SYNPR: variants seen among roughly 807,000 people sequenced by gnomAD.
SYNPR encodes the protein synaptoporin.
SYNPR carries 23 observed loss-of-function variants against 32.9 expected under a neutral mutation model. The ratio of observed to expected loss-of-function variants is 0.70; its 90% CI spans 0.50 to 0.99. SYNPR has a LOEUF of 0.99. Among genes scored for constraint, SYNPR ranks in the 50% least tolerant of loss-of-function variants. The pLI, the probability that SYNPR is intolerant of heterozygous loss-of-function variation, is 0.00. For missense variants in SYNPR, 318 were observed against 349.3 expected, an observed-to-expected ratio of 0.91 and a Z score of 0.71; for synonymous variants, 146 against 135.9, an observed-to-expected ratio of 1.07 and a Z score of -0.52.
chr3:63,497,628 C>G (rs1182705231), intron 3 of SYNPR, among the ~76,000 whole-genome samples: 1 of 151,196 alleles, frequency 6.6e-6, no homozygotes, highest in African/African-American at 2.4e-5. Context: ...GAAATTACTA[C>G]TCTGATTACC....
At chr3:63,443,373 G>A (rs1700216648) in intron 2 of SYNPR, 25 of 1,566,344 alleles carry the variant, frequency 1.6e-5, no homozygotes, top group Non-Finnish European at 2.2e-5. Context: ...GGACAGAGAA[G>A]CTTTATTTTT....
In SYNPR at chr3:63,398,554, T is replaced by TA. The variant is rs111456568; in HGVS notation, c.85-82264dup. 5.6e-3 allele frequency among the ~76,000 whole-genome samples: 793 copies of TA among 140,916 alleles called. 5 individuals are homozygous for TA. Among genetic ancestry groups the TA allele is most frequent in the African/African-American group, 0.016 (632 of 38,508 alleles). The allele number at this position is 140,916 out of a possible 152,430, so 92.4% of individuals were successfully genotyped here. A position where few individuals can be genotyped will look rare whatever the true frequency, so the allele number is the denominator to read the frequency against. ...AAACCCCATCTCTACTAAAAAATATTAAAAAAAAAAAAAATTAGCCGGGCA... is the reference window on the plus strand; with the variant it reads ...AAACCCCATCTCTACTAAAAAATATTAAAAAAAAAAAAAAATTAGCCGGGCA... On this transcript the variant is annotated intron_variant, in intron 2 of 5. Coordinates refer to ENST00000478300, the MANE Select transcript of SYNPR (RefSeq NM_001130003.2).
At chr3:63,294,507 A>G (rs547929577) in intron 2 of SYNPR, among the ~76,000 whole-genome samples, 1 of 152,280 alleles carries the variant, frequency 6.6e-6, no homozygotes, top group South Asian at 2.1e-4. Context: ...AGGCTGCCAA[A>G]CTCATGATGC....
chr3:63,564,195 C>CCT (rs1702745003), intron 4 of SYNPR, among the ~76,000 whole-genome samples: 1 of 137,738 alleles, frequency 7.3e-6, no homozygotes, highest in African/African-American at 2.7e-5. Context: ...GTGTGTCTTT[C>CCT]TTTTTTTTTT....
chr3:63,599,107 T>C (rs1398622417), intron 4 of SYNPR, among the ~76,000 whole-genome samples: 1 of 152,174 alleles, frequency 6.6e-6, no homozygotes, highest in Non-Finnish European at 1.5e-5. Flanking sequence ...TTATGGATGT[T>C]TTGGTCAGCA....
the SYNPR span, among the ~76,000 whole-genome samples, chr3:63,222,058 G>A: frequency 1.2e-5 from 1 of 82,398 alleles, no homozygotes; most frequent in Non-Finnish European, 2.7e-5. Context: ...AGTAGAGAGT[G>A]GTTTAACATA....
At chr3:63,581,950 A>G (rs1051619215) in intron 4 of SYNPR, among the ~76,000 whole-genome samples, 1 of 152,108 alleles carries the variant, frequency 6.6e-6, no homozygotes, top group Admixed American at 6.6e-5. Flanking sequence ...TGGCTTTCAC[A>G]TTCTCTCAAA....
At chr3:63,513,888 C>T (rs1701742849) in intron 3 of SYNPR, among the ~76,000 whole-genome samples, 2 of 152,048 alleles carry the variant, frequency 1.3e-5, no homozygotes, top group Admixed American at 1.3e-4. Context: ...TTTGAAATCC[C>T]AGGAGGGCAT....
intron 2 of SYNPR, among the ~76,000 whole-genome samples, chr3:63,359,583 T>C (rs2087629996): frequency 6.6e-6 from 1 of 152,224 alleles, no homozygotes; most frequent in Admixed American, 6.5e-5. Flanking sequence ...TCCTGCCTTT[T>C]CTTGCCACTG....
chr3:63,274,869 A>G (rs2086561616), upstream of SYNPR, among the ~76,000 whole-genome samples: 1 of 152,214 alleles, frequency 6.6e-6, no homozygotes, highest in Non-Finnish European at 1.5e-5. Flanking sequence ...AAATGTCTCC[A>G]AACATTGTTA....
intron 2 of SYNPR, among the ~76,000 whole-genome samples, chr3:63,337,030 G>A (rs536769488): frequency 3.3e-5 from 5 of 151,978 alleles, no homozygotes; most frequent in African/African-American, 1.2e-4. Flanking sequence ...TCAGGAGTTC[G>A]AGACCAGCCT....
chr3:63,447,500 G>T (rs74748029), intron 2 of SYNPR, among the ~76,000 whole-genome samples: 1 of 152,106 alleles, frequency 6.6e-6, no homozygotes, highest in African/African-American at 2.4e-5. Context: ...TGCATTTTTC[G>T]TTAAACATTC....
intron 4 of SYNPR, among the ~76,000 whole-genome samples, chr3:63,558,686 T>G (rs1483230266): frequency 6.6e-6 from 1 of 152,148 alleles, no homozygotes; most frequent in Non-Finnish European, 1.5e-5. Context: ...ATATTTTTGT[T>G]GTTTTGAAAA....
At chr3:63,488,682 A>G (rs939237419) in intron 3 of SYNPR, among the ~76,000 whole-genome samples, 1 of 151,420 alleles carries the variant, frequency 6.6e-6, no homozygotes, top group African/African-American at 2.5e-5. Context: ...CTGAGTTGCT[A>G]TCATTGTTGT....
intron 4 of SYNPR, among the ~76,000 whole-genome samples, chr3:63,595,268 A>C (rs1328702660): frequency 6.6e-6 from 1 of 152,110 alleles, no homozygotes; most frequent in Non-Finnish European, 1.5e-5. Context: ...TTCTGACTTC[A>C]ATTTCTCCTC....
intron 2 of SYNPR, among the ~76,000 whole-genome samples, chr3:63,293,771 C>T (rs569686748): frequency 1.4e-5 from 2 of 143,522 alleles, no homozygotes; most frequent in Admixed American, 7.0e-5. Flanking sequence ...CTTTCCTCTT[C>T]ACATGGTTAT....
At chr3:63,344,108 G>C (rs2107006875) in intron 2 of SYNPR, among the ~76,000 whole-genome samples, 1 of 152,272 alleles carries the variant, frequency 6.6e-6, no homozygotes, top group East Asian at 1.9e-4. Context: ...ACATTGTCTA[G>C]CTCAGTTTAA....
chr3:63,398,274 G>T (rs887814070), intron 2 of SYNPR, among the ~76,000 whole-genome samples: 2 of 152,184 alleles, frequency 1.3e-5, no homozygotes, highest in African/African-American at 4.8e-5. Context: ...TTAAAAAAAG[G>T]TTAAGTTTTC....
At chr3:63,328,203 C>G (rs190834397) in intron 2 of SYNPR, among the ~76,000 whole-genome samples, 4 of 152,268 alleles carry the variant, frequency 2.6e-5, no homozygotes, top group Non-Finnish European at 5.9e-5. Flanking sequence ...TCAACACACT[C>G]TCAGAAAAAC....
Sources: allele counts gnomAD v4.1 joint callset (sites outside exome capture counted in the v4.1 genomes callset), GRCh38; gene constraint gnomAD v4.1.1; transcripts MANE v1.5; gene names NCBI Gene and HGNC (gene_info 2026-07-23, HGNC 2026-07-21).